The following ENTREP2 variants were observed in gnomAD, a reference collection of about 807,000 sequenced individuals.
The protein encoded by ENTREP2 is protein ENTREP2.
the ENTREP2 span, among the ~76,000 whole-genome samples, chr15:29,332,380 TG>T: frequency 1.3e-5 from 2 of 152,118 alleles, no homozygotes; most frequent in Non-Finnish European, 2.9e-5. Flanking sequence ...TTATTTATGC[TG>T]ATTATTTATA....
the ENTREP2 span, among the ~76,000 whole-genome samples, chr15:29,141,898 C>T: frequency 5.9e-5 from 9 of 152,336 alleles, no homozygotes; most frequent in East Asian, 1.7e-3. Context: ...GGTTCCATGC[C>T]CACCCAGGGC....
chr15:29,139,714 G>A, the ENTREP2 span, among the ~76,000 whole-genome samples: 1 of 152,180 alleles, frequency 6.6e-6, no homozygotes, highest in Admixed American at 6.5e-5. Flanking sequence ...GCTCCGGGTC[G>A]CCTTTCGGGG....
the ENTREP2 span, among the ~76,000 whole-genome samples, chr15:29,139,877 G>T: frequency 6.6e-6 from 1 of 152,132 alleles, no homozygotes; most frequent in Non-Finnish European, 1.5e-5. Context: ...GGTGTGTCTC[G>T]CGGCCCAGGG....
chr15:29,383,926 G>T, the ENTREP2 span, among the ~76,000 whole-genome samples: 1 of 152,038 alleles, frequency 6.6e-6, no homozygotes, highest in African/African-American at 2.4e-5. Context: ...ATTTCCCACC[G>T]CCCGGGTCCC....
the ENTREP2 span, among the ~76,000 whole-genome samples, chr15:29,341,462 G>T: frequency 1.3e-5 from 2 of 152,228 alleles, no homozygotes; most frequent in Non-Finnish European, 2.9e-5. Context: ...AGTGAAAGCT[G>T]AACTGGTCTG....
the ENTREP2 span, among the ~76,000 whole-genome samples, chr15:29,177,911 G>C: frequency 6.6e-6 from 1 of 151,886 alleles, no homozygotes; most frequent in African/African-American, 2.4e-5. Flanking sequence ...GGGCGGGAGG[G>C]ATACAGGGAG....
At chr15:29,276,680 AT>A in the ENTREP2 span, among the ~76,000 whole-genome samples, 1,417 of 152,360 alleles carry the variant, frequency 9.3e-3, 21 homozygotes, top group African/African-American at 0.032. Flanking sequence ...TAATGCTGCC[AT>A]TTGAATCCCT....
At chr15:29,205,708 C>T in the ENTREP2 span, among the ~76,000 whole-genome samples, 1 of 152,176 alleles carries the variant, frequency 6.6e-6, no homozygotes, top group Non-Finnish European at 1.5e-5. Flanking sequence ...TTTATACATT[C>T]CGGATAGTAA....
the ENTREP2 span, among the ~76,000 whole-genome samples, chr15:29,469,222 CAG>C: frequency 6.6e-6 from 1 of 151,960 alleles, no homozygotes; most frequent in Admixed American, 6.6e-5. Flanking sequence ...TTGTTTGAGA[CAG>C]AGTTTCGCTC....
At chr15:29,446,988 C>T in the ENTREP2 span, among the ~76,000 whole-genome samples, 1 of 152,266 alleles carries the variant, frequency 6.6e-6, no homozygotes, top group East Asian at 1.9e-4. Flanking sequence ...GTCAACTGAC[C>T]AGCAATCTTA....
chr15:29,303,674 T>A, the ENTREP2 span, among the ~76,000 whole-genome samples: 1 of 129,936 alleles, frequency 7.7e-6, no homozygotes, highest in Non-Finnish European at 1.6e-5. Context: ...GGCCCCAGTG[T>A]CTATTACTCC....
At chr15:29,484,084 A>G in the ENTREP2 span, among the ~76,000 whole-genome samples, 1 of 152,336 alleles carries the variant, frequency 6.6e-6, no homozygotes, top group East Asian at 1.9e-4. Context: ...AGGATGTCAA[A>G]GCTCAGAAGG....
At chr15:29,420,483 G>T in the ENTREP2 span, among the ~76,000 whole-genome samples, 8 of 152,246 alleles carry the variant, frequency 5.3e-5, no homozygotes, top group East Asian at 1.5e-3. Context: ...ATAACCACAA[G>T]GCTCTATCTT....
chr15:29,628,490 G>C, the ENTREP2 span, among the ~76,000 whole-genome samples: 1 of 152,156 alleles, frequency 6.6e-6, no homozygotes, highest in Non-Finnish European at 1.5e-5. Context: ...ATACTATGCT[G>C]TTGTCACTTA....
chr15:29,651,809 G>A, the ENTREP2 span, among the ~76,000 whole-genome samples: 45 of 152,242 alleles, frequency 3.0e-4, no homozygotes, highest in African/African-American at 8.7e-4. Flanking sequence ...GCCAAGGAGG[G>A]GCTGAGGGCA....
the ENTREP2 span, among the ~76,000 whole-genome samples, chr15:29,340,747 G>C: frequency 6.6e-6 from 1 of 152,160 alleles, no homozygotes; most frequent in Non-Finnish European, 1.5e-5. Context: ...AGATAATGGA[G>C]ATCTGGCAAG....
the ENTREP2 span, among the ~76,000 whole-genome samples, chr15:29,601,878 T>C: frequency 6.6e-6 from 1 of 152,188 alleles, no homozygotes; most frequent in Non-Finnish European, 1.5e-5. Context: ...CTTGCTGCGA[T>C]TGGTCACCAA....
At chr15:29,159,567 G>A in the ENTREP2 span, among the ~76,000 whole-genome samples, 6 of 152,274 alleles carry the variant, frequency 3.9e-5, no homozygotes, top group Non-Finnish European at 7.4e-5. Context: ...TGATTGGTCC[G>A]TTTTGACAGG....
chr15:29,485,937 G>T, the ENTREP2 span, among the ~76,000 whole-genome samples: 141 of 152,272 alleles, frequency 9.3e-4, 1 homozygote, highest in African/African-American at 3.0e-3. Flanking sequence ...TAGCTGCTAA[G>T]GAAAATCGTA....
Sources: gnomAD v4.1 joint callset for allele counts (sites outside exome capture counted in the v4.1 genomes callset) on GRCh38, gnomAD v4.1.1 for gene constraint, MANE v1.5 for transcripts, NCBI Gene and HGNC (gene_info 2026-07-23, HGNC 2026-07-21) for gene names.